Variants in MROH2A observed in about 807,000 individuals in gnomAD.
MROH2A encodes maestro heat-like repeat-containing protein family member 2A.
A neutral mutation model predicts 200.4 loss-of-function variants in MROH2A; 174 were observed. The observed-to-expected ratio is 0.87, with a 90% CI of 0.77 to 0.98. The LOEUF (loss-of-function observed/expected upper bound fraction) is 0.98, where lower values mean the gene tolerates loss of function less well. Among genes scored for constraint, MROH2A ranks in the 50% least tolerant of loss-of-function variants. The pLI is 0.00. For missense variants in MROH2A, 2,045 were observed against 2,139.6 expected (o/e 0.96, Z 0.87); for synonymous variants, 829 against 840.4 (o/e 0.99, Z 0.23).
At chr2:233,816,935 A>G in intron 27 of MROH2A, 50 bp downstream of exon 27, 1 of 1,130,330 alleles carries the variant, frequency 8.8e-7, no homozygotes, top group Non-Finnish European at 1.3e-6. Flanking sequence ...ACATGCACAG[A>G]AAAATTCCTG....
In MROH2A at chr2:233,810,780, C is replaced by T; in HGVS notation, c.2449-14C>T. ...ACAAACATTCTCTCCCTCCTTTTCC[C>T]CTTCTGGGCTCAGGACATCTGTCTC... On this transcript the variant is annotated splice_polypyrimidine_tract_variant and intron_variant, in intron 22 of 41. Coordinates refer to ENST00000389758, the MANE Select transcript of MROH2A (RefSeq NM_001394639.1). The T allele has an allele frequency of 6.5e-7, 1 of 1,549,608 alleles. No individual in the cohort carries two copies. The highest frequency in any genetic ancestry group is 1.4e-5 in the African/African-American group (1 of 73,142).
Position 233,804,985 on chromosome 2 carries a change from A to G in MROH2A, c.1945-19A>G. 2.6e-6 allele frequency: 4 copies of G among 1,510,890 alleles called. No homozygotes were observed. The South Asian group carries it at 3.6e-5, about 14-fold the overall frequency. The allele number at this position is 1,510,890 out of a possible 1,614,324, so 93.6% of individuals were successfully genotyped here. On this transcript the variant is annotated intron_variant, in intron 18 of 41. Transcript: ENST00000389758. ...TGAAGGCCTTTGGCCCTTCTCACCA[A>G]CGTCTTGTGCCTCCCCAGTTTCTGC...
chr2:233,804,416 G>T (rs770298024), intron 17 of MROH2A, 79 bp from the exon 18 acceptor site: 87 of 1,472,354 alleles, frequency 5.9e-5, no homozygotes, highest in Non-Finnish European at 8.0e-5. Flanking sequence ...CGCTAAGGAG[G>T]CATAGAGGGC....
intron 5 of MROH2A, among the ~76,000 whole-genome samples, chr2:233,790,231 C>T (rs954499202): frequency 1.3e-5 from 2 of 151,954 alleles, no homozygotes; most frequent in Admixed American, 6.6e-5. Flanking sequence ...CCCCTCTCTC[C>T]TGCTCCCCTC....
chr2:233,804,227 C>G lies in MROH2A; in HGVS notation c.1891+35C>G, dbSNP rs139674791. On this transcript the variant is annotated intron_variant, in intron 17 of 41. Transcript: ENST00000389758. ...CTGGGGAGCCCATCCCAAGCCAACCCTCCAATCCGTGTATGTGCTGGGGTT... is the reference window on the plus strand; with the variant it reads ...CTGGGGAGCCCATCCCAAGCCAACCGTCCAATCCGTGTATGTGCTGGGGTT... 7.3e-4 allele frequency: 1,123 copies of G among 1,548,960 alleles called. 4 individuals are homozygous for G. The highest frequency in any genetic ancestry group is 3.0e-3 in the Admixed American group (155 of 50,964).
chr2:233,803,326 T>G (rs1341994353), intron 15 of MROH2A, 122 bp from the exon 16 acceptor site: 1 of 994,610 alleles, frequency 1.0e-6, no homozygotes, highest in Non-Finnish European at 1.5e-6. Context: ...ATTCTGGGGG[T>G]TTGGGGAACA....
chr2:233,787,067 C>T (rs1350127082), intron 3 of MROH2A, among the ~76,000 whole-genome samples: 1 of 152,154 alleles, frequency 6.6e-6, no homozygotes, highest in Admixed American at 6.5e-5. Context: ...TCCAGTAATT[C>T]CACAGCATCT....
chr2:233,800,101 C>G (rs746861320), intron 13 of MROH2A, 104 bp from the exon 14 acceptor site: 4 of 1,070,102 alleles, frequency 3.7e-6, no homozygotes, highest in Non-Finnish European at 5.4e-6. Context: ...TCTGTAGACT[C>G]AGTATCTGGG....
In MROH2A at chr2:233,804,747, C is replaced by T. The variant is rs191297368; in HGVS notation, c.1944+200C>T. On this transcript the variant is annotated intron_variant, in intron 18 of 41. Coordinates refer to ENST00000389758, the MANE Select transcript of MROH2A (RefSeq NM_001394639.1). ...GGAGAACTGAGAGAACCTTCCATCC[C>T]GAGAGCCAGGTGGCCAGGAGGGCAG... is the stretch of plus-strand genomic sequence containing the variant. Among the ~76,000 whole-genome samples the T allele has an allele frequency of 7.2e-5, 11 of 152,284 alleles. No individual in the cohort carries two copies. In the East Asian group the frequency reaches 1.9e-3, roughly 27 times the overall value.
intron 7 of MROH2A, 103 bp downstream of exon 7, chr2:233,793,927 C>T: frequency 8.5e-7 from 1 of 1,173,192 alleles, no homozygotes; most frequent in South Asian, 2.5e-5. Flanking sequence ...CACACTTACT[C>T]CCAGGACCCT....
chr2:233,786,411 G>A (rs1462775456), intron 3 of MROH2A, among the ~76,000 whole-genome samples: 1 of 152,228 alleles, frequency 6.6e-6, no homozygotes, highest in African/African-American at 2.4e-5. Flanking sequence ...CACAGTGGGA[G>A]AAAGCACTCT....
intron 35 of MROH2A, among the ~76,000 whole-genome samples, chr2:233,824,405 C>A (rs1553640702): frequency 6.6e-6 from 1 of 152,216 alleles, no homozygotes; most frequent in Non-Finnish European, 1.5e-5. Context: ...ACTCACCAAG[C>A]TTTTATAGGT....
rs1046863236 is a variant in MROH2A, at chr2:233,820,742, TGAG to T, written c.3512+690_3512+692del. On this transcript the variant is annotated intron_variant, in intron 31 of 41. Transcript: ENST00000389758. This position sits in a 1 kb window ranked among gnomAD's most constrained non-coding sequence, Gnocchi z 4.1. ...TGGAGCCTGTGCTGGTGCAGGGACG[TGAG>T]GAGATGTCAGGCTAAGTAAGAGGCT... 6.6e-6 allele frequency among the ~76,000 whole-genome samples: 1 copy of T among 151,984 alleles called. No individual in the cohort carries two copies. Among genetic ancestry groups the T allele is most frequent in the African/African-American group, 2.4e-5 (1 of 41,364 alleles).
At chr2:233,816,555 G>A (rs977290561) in intron 26 of MROH2A, among the ~76,000 whole-genome samples, 13 of 152,188 alleles carry the variant, frequency 8.5e-5, no homozygotes, top group African/African-American at 3.1e-4. Context: ...GCAGACATTT[G>A]GAGCCAGGCC....
chr2:233,810,141 C>T (rs540810702), intron 22 of MROH2A, among the ~76,000 whole-genome samples: 19 of 152,322 alleles, frequency 1.2e-4, no homozygotes, highest in East Asian at 9.6e-4. Flanking sequence ...TCACTGAAGG[C>T]GGCCCCTGAG....
At position 233,819,976 on chromosome 2, in the gene MROH2A, T is replaced by G; in HGVS notation, c.3432T>G (p.Ile1144Met). 6.5e-7 allele frequency: 1 copy of G among 1,546,808 alleles called. No homozygotes were observed. The highest frequency in any genetic ancestry group is 2.5e-5 in the East Asian group (1 of 40,754). ...VDHPEVRRLL[I>M]DGILLLAHHH... The stretch of plus-strand genomic sequence containing the variant: ...ACCCAGAGGTGCGGCGCCTTCTCAT[T>G]GACGGCATCCTGCTGCTGGCGCACC... Residue 1144 changes from isoleucine to methionine, a missense_variant, in exon 31 of 42, where the codon ATT becomes ATG. This residue lies in a region of MROH2A where 1,201 missense variants were observed against 1,311.3 expected (regional missense o/e 0.92). Transcript: ENST00000389758.
intron 35 of MROH2A, among the ~76,000 whole-genome samples, chr2:233,824,806 C>T (rs893149214): frequency 4.6e-5 from 7 of 152,232 alleles, no homozygotes; most frequent in Middle Eastern, 3.4e-3. Context: ...AAATTAGGTT[C>T]AGCTTTTTTG....
In MROH2A at chr2:233,809,271, G is replaced by A; in HGVS notation, c.2441G>A (p.Ser814Asn). ...AAGATCATTCACCATTATGTCAGCA[G>A]CTGCCAGGTAGCCCCATCTGCTGCC... is the stretch of plus-strand genomic sequence containing the variant. ...TAKIIHHYVS[S>N]CQDICLKMAF... Residue 814 changes from serine (S) to asparagine (N), a missense_variant, in exon 22 of 42, where the codon AGC (serine) becomes AAC (asparagine). Ser to Asn is a conservative substitution (Grantham distance 46, BLOSUM62 1). Transcript: ENST00000389758. 3 of 1,549,590 alleles carry A rather than the reference G, an allele frequency of 1.9e-6. No individual in the cohort carries two copies. The highest frequency in any genetic ancestry group is 2.6e-6 in the Non-Finnish European group (3 of 1,146,176).
chr2:233,779,191 A>G (rs997249145), intron 1 of MROH2A, among the ~76,000 whole-genome samples, 154 bp from the exon 2 acceptor site: 13 of 152,190 alleles, frequency 8.5e-5, no homozygotes, highest in Non-Finnish European at 1.8e-4. Flanking sequence ...AGGGTCACCC[A>G]TCACCTTTGC....
Sources: allele counts gnomAD v4.1 joint callset (sites outside exome capture counted in the v4.1 genomes callset), GRCh38; gene constraint gnomAD v4.1.1; regional missense constraint gnomAD v4.1.1; non-coding constraint Gnocchi (gnomAD v3.1); transcripts MANE v1.5; gene names NCBI Gene and HGNC (gene_info 2026-07-23, HGNC 2026-07-21).